Variants in NDUFAF6 observed in about 807,000 individuals in gnomAD.
NDUFAF6 encodes the protein NADH:ubiquinone oxidoreductase complex assembly factor 6, also known as NADH dehydrogenase (ubiquinone) complex I, assembly factor 6.
In NDUFAF6, 45 loss-of-function variants were observed where a neutral mutation model predicts 40.8. That is an observed-to-expected ratio of 1.10 (90% confidence interval 0.87 to 1.42). NDUFAF6 has a LOEUF of 1.42. Among genes scored for constraint, NDUFAF6 ranks in the 40% most tolerant of loss-of-function variants. The pLI is 0.00. For synonymous variants in NDUFAF6, 185 were observed against 155.9 expected, an observed-to-expected ratio of 1.19 and a Z score of -1.39; for missense variants, 435 against 418.5, an observed-to-expected ratio of 1.04 and a Z score of -0.34.
chr8:95,063,346 A>T (rs1399582297), downstream of NDUFAF6, among the ~76,000 whole-genome samples: 1 of 152,196 alleles, frequency 6.6e-6, no homozygotes, highest in Non-Finnish European at 1.5e-5. Context: ...CACGCCTGTA[A>T]TCTCAACACT....
chr8:94,949,348 A>G (rs1822344050), intron 2 of NDUFAF6: 1 of 150,782 alleles, frequency 6.6e-6, no homozygotes, highest in East Asian at 2.0e-4. Flanking sequence ...GGCCAGTCCA[A>G]GTCCTTTTGT....
rs1389358485 is a variant in NDUFAF6 at position 94,898,260 on chromosome 8, T to A, written c.-936+2333T>A. On this transcript the variant is annotated intron_variant, in intron 1 of 14. Coordinates refer to the NDUFAF6 transcript ENST00000396113. The stretch of plus-strand genomic sequence containing the variant: ...TACTTTATTCCTATGTCTTTAGTTT[T>A]TACCTAATATCTTTTTATTGCTCTA... 3.3e-5 allele frequency among the ~76,000 whole-genome samples: 5 copies of A among 152,352 alleles called. No homozygotes were observed. In the East Asian group the frequency reaches 9.6e-4, roughly 29 times the overall value.
chr8:95,083,737 A>T (rs181738406), intron 2 of NDUFAF6, among the ~76,000 whole-genome samples: 150 of 152,360 alleles, frequency 9.8e-4, no homozygotes, highest in Middle Eastern at 3.4e-3. Context: ...GTCTCAAAGT[A>T]GCAATGATCA....
upstream of NDUFAF6, among the ~76,000 whole-genome samples, chr8:95,097,225 A>G (rs750637364): frequency 6.6e-6 from 1 of 152,254 alleles, no homozygotes; most frequent in Non-Finnish European, 1.5e-5. Flanking sequence ...AGAATGGTGT[A>G]GGCTTCATTC....
At chr8:95,045,184 G>T (rs1316152730) in intron 4 of NDUFAF6, among the ~76,000 whole-genome samples, 1 of 152,080 alleles carries the variant, frequency 6.6e-6, no homozygotes, top group Non-Finnish European at 1.5e-5. Flanking sequence ...TGGAGGGGGG[G>T]TTGTTTGGGT....
chr8:94,929,675 G>A (rs917033679), intron 1 of NDUFAF6: 3 of 152,194 alleles, frequency 2.0e-5, no homozygotes, highest in African/African-American at 7.2e-5. Context: ...CAGAATTGGC[G>A]GGAAGGAATA....
rs563445319 is a variant in NDUFAF6, at chr8:94,940,180, CTCTTCT to C, written c.-935-5290_-935-5285del. On this transcript the variant is annotated intron_variant, in intron 1 of 14. Coordinates refer to the NDUFAF6 transcript ENST00000396113. ...TAGGTGACTCTTCACTGATGTCCTC[CTCTTCT>C]TCTTCTTCTTCTGCTGAGAAACCAG... 1.6e-5 allele frequency: 25 copies of C among 1,609,180 alleles called. 1 individual carries two copies. In the Middle Eastern group the frequency reaches 8.2e-4, roughly 53 times the overall value.
intron 2 of NDUFAF6, among the ~76,000 whole-genome samples, chr8:95,092,513 G>A (rs908032705): frequency 1.8e-4 from 27 of 149,094 alleles, no homozygotes; most frequent in African/African-American, 6.4e-4. Context: ...CACACTAATT[G>A]TCTCCAGGCC....
intron 2 of NDUFAF6, among the ~76,000 whole-genome samples, chr8:94,985,339 A>G (rs1280124602): frequency 2.0e-5 from 3 of 150,804 alleles, no homozygotes; most frequent in Admixed American, 6.6e-5. Flanking sequence ...GCCACTCTAC[A>G]TATGCCACTC....
intron 1 of NDUFAF6, among the ~76,000 whole-genome samples, chr8:95,030,718 T>C (rs887435135): frequency 2.0e-5 from 3 of 152,244 alleles, no homozygotes; most frequent in African/African-American, 7.2e-5. Context: ...CAGTTATTCC[T>C]TCCAGGAGCC....
At chr8:94,940,026 A>G (rs778788846) in intron 1 of NDUFAF6, 13 of 1,614,076 alleles carry the variant, frequency 8.1e-6, no homozygotes, top group Non-Finnish European at 8.5e-7. Flanking sequence ...GCAGTAAAAC[A>G]TGGGGGTGGG....
chr8:95,027,579 C>CAAA (rs1207611146), intron 1 of NDUFAF6, among the ~76,000 whole-genome samples: 11 of 68,940 alleles, frequency 1.6e-4, no homozygotes, highest in African/African-American at 4.4e-4. Context: ...GACCCTGTCT[C>CAAA]AAAAAAAAAA....
downstream of NDUFAF6, among the ~76,000 whole-genome samples, chr8:95,118,175 A>G (rs1810173127): frequency 6.6e-6 from 1 of 152,218 alleles, no homozygotes; most frequent in Non-Finnish European, 1.5e-5. Context: ...GTGGCTTTAG[A>G]GTCTCACTGC....
At chr8:94,909,206 G>A (rs1310209226) in intron 1 of NDUFAF6, among the ~76,000 whole-genome samples, 1 of 151,982 alleles carries the variant, frequency 6.6e-6, no homozygotes, top group African/African-American at 2.4e-5. Flanking sequence ...CTAGCCAGGT[G>A]TGGTGGTGCA....
chr8:94,908,429 G>A (rs1018714322), intron 1 of NDUFAF6, among the ~76,000 whole-genome samples: 8 of 152,176 alleles, frequency 5.3e-5, no homozygotes, highest in Non-Finnish European at 1.0e-4. Context: ...GAGTACAGTT[G>A]TATGATCATA....
chr8:95,114,163 A>AAAC (rs1554693679), intron 4 of NDUFAF6, among the ~76,000 whole-genome samples: 4 of 151,386 alleles, frequency 2.6e-5, no homozygotes, highest in Non-Finnish European at 4.4e-5. Context: ...TAATAATAAT[A>AAAC]AAACAAACAA....
intron 1 of NDUFAF6, among the ~76,000 whole-genome samples, chr8:94,940,445 C>CTG (rs60473555): frequency 0.019 from 2,795 of 150,454 alleles, 63 homozygotes; most frequent in African/African-American, 0.049. Flanking sequence ...CACAGAAATT[C>CTG]TGTGTGTGTG....
intron 1 of NDUFAF6, among the ~76,000 whole-genome samples, chr8:94,897,448 C>T (rs553566240): frequency 1.3e-5 from 2 of 152,136 alleles, no homozygotes; most frequent in African/African-American, 4.8e-5. Flanking sequence ...GGGTAGGGGG[C>T]GGGTATGTTT....
Position 95,095,152 on chromosome 8 carries a change from G to A in NDUFAF6, n.214-5980G>A, listed in dbSNP as rs572972798. 2.0e-4 allele frequency among the ~76,000 whole-genome samples: 31 copies of A among 152,180 alleles called. No individual in the cohort carries two copies. In the South Asian group the frequency reaches 6.0e-3, roughly 29 times the overall value. The stretch of plus-strand genomic sequence containing the variant: ...AGAAAGATTAAAAAAAGAAAAAGCC[G>A]TGGACTCCATAGATTTGGGTTTGAC... On this transcript the variant is annotated intron_variant and non_coding_transcript_variant, in intron 2 of 5. Transcript: ENST00000523184.
Sources: allele counts gnomAD v4.1 joint callset (sites outside exome capture counted in the v4.1 genomes callset), GRCh38; gene constraint gnomAD v4.1.1; transcripts MANE v1.5; gene names NCBI Gene and HGNC (gene_info 2026-07-23, HGNC 2026-07-21).